POT1: variants seen among roughly 807,000 people sequenced by gnomAD.
The protein encoded by POT1 is protection of telomeres protein 1.
A neutral mutation model predicts 78.5 loss-of-function variants in POT1; 47 were observed. The observed-to-expected ratio is 0.60, with a 90% CI of 0.47 to 0.76. The LOEUF (loss-of-function observed/expected upper bound fraction) is 0.76, where lower values mean the gene tolerates loss of function less well. Among genes scored for constraint, POT1 ranks in the 30% least tolerant of loss-of-function variants. The pLI, the probability that POT1 is intolerant of heterozygous loss-of-function variation, is 0.00. For missense variants in POT1, 646 were observed against 749.9 expected (o/e 0.86, Z 1.62); for synonymous variants, 259 against 260.7 (o/e 0.99, Z 0.06).
chr7:124,910,724 A>T (rs551106884), intron 3 of POT1, among the ~76,000 whole-genome samples: 1 of 152,088 alleles, frequency 6.6e-6, no homozygotes, highest in East Asian at 1.9e-4. Context: ...AAGAAATTAG[A>T]ATTTGCATCT....
At chr7:124,861,129 G>C (rs1373639323) in intron 8 of POT1, among the ~76,000 whole-genome samples, 1 of 152,106 alleles carries the variant, frequency 6.6e-6, no homozygotes, top group Non-Finnish European at 1.5e-5. Flanking sequence ...CCCAGTAATG[G>C]GATTGCAGTG....
At chr7:124,832,010 A>T (rs181014586) in intron 15 of POT1, among the ~76,000 whole-genome samples, 1,839 of 150,304 alleles carry the variant, frequency 0.012, 45 homozygotes, top group African/African-American at 0.042. Flanking sequence ...AAAAAAAAAA[A>T]AAAAAAAAAA....
intron 18 of POT1, among the ~76,000 whole-genome samples, chr7:124,824,557 C>T (rs1794584548): frequency 6.6e-6 from 1 of 151,918 alleles, no homozygotes; most frequent in Non-Finnish European, 1.5e-5. Context: ...CAAAGATTGA[C>T]CAGGGAGAGT....
At chr7:124,860,071 T>A (rs1263367484) in intron 8 of POT1, among the ~76,000 whole-genome samples, 3 of 151,986 alleles carry the variant, frequency 2.0e-5, no homozygotes, top group Non-Finnish European at 2.9e-5. Flanking sequence ...TATCGAGTAA[T>A]GTCTAGCTCC....
At chr7:124,902,915 G>A (rs1156558240) in intron 3 of POT1, among the ~76,000 whole-genome samples, 5 of 152,006 alleles carry the variant, frequency 3.3e-5, no homozygotes, top group African/African-American at 9.7e-5. Flanking sequence ...ACAAAGATCA[G>A]AAGAGACACA....
At chr7:124,850,229 G>A (rs1206406637) in intron 11 of POT1, among the ~76,000 whole-genome samples, 1 of 152,156 alleles carries the variant, frequency 6.6e-6, no homozygotes, top group African/African-American at 2.4e-5. Context: ...AATAAGGAGA[G>A]TTTTAAAACA....
chr7:124,893,506 A>C (rs1212163083), intron 5 of POT1, among the ~76,000 whole-genome samples: 1 of 151,534 alleles, frequency 6.6e-6, no homozygotes, highest in Non-Finnish European at 1.5e-5. Flanking sequence ...GCAGAATATC[A>C]GATAAGAAAA....
At chr7:124,916,127 TA>T (rs968524007) in intron 2 of POT1, among the ~76,000 whole-genome samples, 3 of 152,132 alleles carry the variant, frequency 2.0e-5, no homozygotes, top group Admixed American at 6.5e-5. Context: ...TCTGTCAGTT[TA>T]AAAAAAGTTA....
At chr7:124,863,076 C>G (rs1795636187) in intron 8 of POT1, among the ~76,000 whole-genome samples, 1 of 152,064 alleles carries the variant, frequency 6.6e-6, no homozygotes. Context: ...AAGTCTACAT[C>G]TTATTACTAC....
intron 2 of POT1, among the ~76,000 whole-genome samples, chr7:124,920,860 G>C (rs1308633501): frequency 2.0e-5 from 3 of 152,138 alleles, no homozygotes; most frequent in Non-Finnish European, 4.4e-5. Flanking sequence ...GAGAGGTCAA[G>C]GTGGGAGGAT....
intron 3 of POT1, among the ~76,000 whole-genome samples, chr7:124,901,127 T>A (rs1796608562): frequency 6.6e-6 from 1 of 152,140 alleles, no homozygotes; most frequent in Non-Finnish European, 1.5e-5. Flanking sequence ...AACGTCCCCA[T>A]CTGACAGCTT....
At chr7:124,883,835 T>G (rs529950489) in intron 6 of POT1, among the ~76,000 whole-genome samples, 1 of 151,898 alleles carries the variant, frequency 6.6e-6, no homozygotes, top group Non-Finnish European at 1.5e-5. Context: ...AAAAATAGAT[T>G]AAATAATTAT....
chr7:124,832,409 A>G (rs1794789288), intron 15 of POT1, among the ~76,000 whole-genome samples: 1 of 152,198 alleles, frequency 6.6e-6, no homozygotes. Flanking sequence ...AGAATCAATT[A>G]AAAGATATAC....
intron 3 of POT1, among the ~76,000 whole-genome samples, chr7:124,906,864 TAC>T (rs1796777927): frequency 6.6e-6 from 1 of 152,008 alleles, no homozygotes; most frequent in Non-Finnish European, 1.5e-5. Flanking sequence ...AACATTCAAG[TAC>T]ACAGAGGATA....
In POT1 at chr7:124,852,960, C is replaced by G. The variant is rs762326478; in HGVS notation, c.869+12G>C. The G allele has an allele frequency of 1.2e-6, 2 of 1,606,622 alleles. No homozygotes were observed. The highest frequency in any genetic ancestry group is 2.2e-5 in the South Asian group (2 of 89,652). On this transcript the variant is annotated intron_variant, in intron 10 of 18. Coordinates refer to ENST00000357628, the MANE Select transcript of POT1 (RefSeq NM_015450.3). Reference sequence around the variant, plus strand: ...ATACCTTATTTACATTTTCTAAATACTAAAAGCTTACTTTTTCAGTTGATC... The same window carrying G: ...ATACCTTATTTACATTTTCTAAATAGTAAAAGCTTACTTTTTCAGTTGATC...
At chr7:124,890,008 C>T (rs1019883824) in intron 6 of POT1, among the ~76,000 whole-genome samples, 1 of 151,850 alleles carries the variant, frequency 6.6e-6, no homozygotes, top group Admixed American at 6.6e-5. Context: ...TAAGGCTATA[C>T]CCACCATAGA....
chr7:124,899,800 A>G (rs1466681413), intron 3 of POT1, among the ~76,000 whole-genome samples: 1 of 152,150 alleles, frequency 6.6e-6, no homozygotes, highest in Admixed American at 6.5e-5. Context: ...TCAAAAGTAA[A>G]TATTATACAC....
chr7:124,878,952 C>T (rs1001631496), intron 6 of POT1, among the ~76,000 whole-genome samples: 3 of 149,772 alleles, frequency 2.0e-5, no homozygotes, highest in Non-Finnish European at 4.5e-5. Flanking sequence ...ATAAAGTTGA[C>T]GAATAAGAAA....
chr7:124,875,913 A>G (rs1156879048), intron 6 of POT1, among the ~76,000 whole-genome samples: 1 of 152,190 alleles, frequency 6.6e-6, no homozygotes, highest in Non-Finnish European at 1.5e-5. Context: ...ACATACCAAA[A>G]TTTACATAAA....
Sources: gnomAD v4.1 joint callset for allele counts (sites outside exome capture counted in the v4.1 genomes callset) on GRCh38, gnomAD v4.1.1 for gene constraint, MANE v1.5 for transcripts, NCBI Gene and HGNC (gene_info 2026-07-23, HGNC 2026-07-21) for gene names.